Variants in RALYL observed in about 807,000 individuals in gnomAD.
RALYL encodes the protein RALY RNA binding protein like, also known as RNA-binding Raly-like protein.
A neutral mutation model predicts 35.1 loss-of-function variants in RALYL; 29 were observed. That is an observed-to-expected ratio of 0.83 (90% CI 0.61 to 1.13). The LOEUF is 1.13. Ranked by LOEUF, RALYL falls within the 50% of genes most tolerant of loss-of-function variation. RALYL has a pLI of 0.00. For synonymous variants in RALYL, 120 were observed against 127.6 expected (o/e 0.94, Z 0.40); for missense variants, 359 against 360.4 (o/e 1.00, Z 0.03).
chr8:84,646,491 T>C (rs973155530), intron 2 of RALYL, among the ~76,000 whole-genome samples: 15 of 152,044 alleles, frequency 9.9e-5, no homozygotes, highest in Non-Finnish European at 1.3e-4. Flanking sequence ...GTTCTTTGGT[T>C]GGTTTTATGG....
intron 1 of RALYL, among the ~76,000 whole-genome samples, chr8:84,321,727 G>T (rs1345271772): frequency 1.3e-5 from 2 of 152,210 alleles, no homozygotes; most frequent in South Asian, 4.1e-4. Flanking sequence ...CCATAAGGTA[G>T]TAGAATCTTT....
intron 2 of RALYL, among the ~76,000 whole-genome samples, chr8:84,586,801 C>T (rs1019900639): frequency 6.6e-6 from 1 of 152,144 alleles, no homozygotes; most frequent in Non-Finnish European, 1.5e-5. Flanking sequence ...TAATAATAGT[C>T]TAAACTTATT....
chr8:84,245,952 A>C (rs1828997073), intron 1 of RALYL, among the ~76,000 whole-genome samples: 1 of 152,184 alleles, frequency 6.6e-6, no homozygotes, highest in East Asian at 1.9e-4. Flanking sequence ...ATGCAGAGAG[A>C]GCTTCACAGA....
intron 4 of RALYL, among the ~76,000 whole-genome samples, chr8:84,842,871 A>G (rs899869990): frequency 3.3e-5 from 5 of 152,228 alleles, no homozygotes; most frequent in African/African-American, 1.2e-4. Flanking sequence ...CAAAAACCTC[A>G]TGATTATCTC....
At chr8:84,624,219 A>G (rs1158047797) in intron 2 of RALYL, among the ~76,000 whole-genome samples, 1 of 152,168 alleles carries the variant, frequency 6.6e-6, no homozygotes. Context: ...ACCTTTTCTT[A>G]CTGTACTAGT....
intron 2 of RALYL, among the ~76,000 whole-genome samples, chr8:84,549,336 C>A (rs1273718971): frequency 6.6e-6 from 1 of 152,270 alleles, no homozygotes; most frequent in Non-Finnish European, 1.5e-5. Flanking sequence ...AATGCCACCC[C>A]CTTCCAATCC....
chr8:84,837,946 A>T (rs547256043), intron 4 of RALYL, among the ~76,000 whole-genome samples: 216 of 152,338 alleles, frequency 1.4e-3, no homozygotes, highest in Non-Finnish European at 2.7e-3. Flanking sequence ...CATCCTAGAC[A>T]GTGCCCTAAA....
intron 1 of RALYL, among the ~76,000 whole-genome samples, chr8:84,291,805 A>G (rs1023103080): frequency 7.2e-5 from 11 of 151,736 alleles, no homozygotes; most frequent in Admixed American, 5.9e-4. Flanking sequence ...AATGAAGATA[A>G]TTAAGAATAA....
chr8:84,907,864 T>TA lies in RALYL; in HGVS notation c.859-13021dup, dbSNP rs941361975. Among the ~76,000 whole-genome samples the TA allele has an allele frequency of 8.3e-4, 125 of 151,460 alleles. 1 individual carries two copies. Among genetic ancestry groups the TA allele is most frequent in the South Asian group, 1.3e-3 (6 of 4,794 alleles). ...ATAAATATAATGAAAGGACAAAATT[T>TA]AAAAAAAAACCTTGATATTTGTGAC... On this transcript the variant is annotated intron_variant, in intron 8 of 8. Coordinates refer to ENST00000521268, the MANE Select transcript of RALYL (RefSeq NM_173848.7).
intron 1 of RALYL, among the ~76,000 whole-genome samples, chr8:84,245,912 G>C (rs1828989847): frequency 6.6e-6 from 1 of 152,082 alleles, no homozygotes; most frequent in African/African-American, 2.4e-5. Flanking sequence ...AATCTTAATT[G>C]ACAAAGAGAA....
intron 2 of RALYL, among the ~76,000 whole-genome samples, chr8:84,726,794 A>T (rs546399023): frequency 2.6e-5 from 4 of 152,042 alleles, no homozygotes; most frequent in Admixed American, 6.6e-5. Context: ...CAATTTACTT[A>T]GCAAACATTT....
At chr8:84,501,856 TATA>T (rs1342026138) in intron 1 of RALYL, among the ~76,000 whole-genome samples, 2 of 150,280 alleles carry the variant, frequency 1.3e-5, no homozygotes, top group African/African-American at 2.4e-5. Flanking sequence ...TAAGCCTATA[TATA>T]ATATCATATT....
rs959831815 is a variant in RALYL, at chr8:84,650,909, G to A, written c.256+121332G>A. 3.1e-3 allele frequency among the ~76,000 whole-genome samples: 469 copies of A among 152,112 alleles called. 2 individuals are homozygous for A. The highest frequency in any genetic ancestry group is 0.01 in the African/African-American group (434 of 41,524). ...ATGCAGCCATAAAAATGATGAGTTCGTGTCCTTTGTAGGGACGTGGATGAA... is the reference window on the plus strand; with the variant it reads ...ATGCAGCCATAAAAATGATGAGTTCATGTCCTTTGTAGGGACGTGGATGAA... On this transcript the variant is annotated intron_variant, in intron 2 of 8. Coordinates refer to ENST00000521268, the MANE Select transcript of RALYL (RefSeq NM_173848.7).
chr8:84,251,646 G>A (rs995569536), intron 1 of RALYL, among the ~76,000 whole-genome samples: 2 of 151,838 alleles, frequency 1.3e-5, no homozygotes, highest in Non-Finnish European at 2.9e-5. Flanking sequence ...TTTCTTTTAT[G>A]GTGTTTTTGA....
chr8:84,410,293 C>G (rs944896915), intron 1 of RALYL, among the ~76,000 whole-genome samples: 1 of 151,898 alleles, frequency 6.6e-6, no homozygotes. Flanking sequence ...GATACAAAAA[C>G]TCTATGGCTT....
intron 2 of RALYL, among the ~76,000 whole-genome samples, chr8:84,550,655 A>C (rs1160049576): frequency 1.3e-5 from 2 of 151,696 alleles, no homozygotes; most frequent in Non-Finnish European, 2.9e-5. Flanking sequence ...TTATATTATA[A>C]CAGAAATATG....
intron 2 of RALYL, among the ~76,000 whole-genome samples, chr8:84,650,702 C>T (rs1828572800): frequency 6.6e-6 from 1 of 151,734 alleles, no homozygotes; most frequent in South Asian, 2.1e-4. Flanking sequence ...TACCATTTGA[C>T]CCAGCCATCC....
chr8:84,898,811 C>T (rs1051763741), intron 8 of RALYL, among the ~76,000 whole-genome samples: 3 of 152,162 alleles, frequency 2.0e-5, no homozygotes, highest in Admixed American at 6.6e-5. Flanking sequence ...TTTCACTACT[C>T]GGTTTTATCT....
At chr8:84,427,214 T>C (rs530797763) in intron 1 of RALYL, among the ~76,000 whole-genome samples, 2 of 152,350 alleles carry the variant, frequency 1.3e-5, no homozygotes, top group South Asian at 4.1e-4. Flanking sequence ...CAATGGCATG[T>C]ACCATCATCG....
Sources: gnomAD v4.1 joint callset for allele counts (sites outside exome capture counted in the v4.1 genomes callset) on GRCh38, gnomAD v4.1.1 for gene constraint, MANE v1.5 for transcripts, NCBI Gene and HGNC (gene_info 2026-07-23, HGNC 2026-07-21) for gene names.